The following CPNE5 variants were observed in gnomAD, a reference collection of about 807,000 sequenced individuals.
The protein encoded by CPNE5 is copine-5.
CPNE5 carries 42 observed loss-of-function variants against 81.1 expected under a neutral mutation model. The observed-to-expected ratio is 0.52, with a 90% CI of 0.40 to 0.67. The LOEUF (loss-of-function observed/expected upper bound fraction) is 0.67. Among genes scored for constraint, CPNE5 ranks in the 30% least tolerant of loss-of-function variants. The pLI is 0.00. For missense variants in CPNE5, 612 were observed against 815.5 expected, an observed-to-expected ratio of 0.75 and a Z score of 3.04; for synonymous variants, 313 against 321.5, an observed-to-expected ratio of 0.97 and a Z score of 0.28.
chr6:36,798,198 C>G lies in CPNE5; in HGVS notation c.371G>C (p.Gly124Ala). Residue 124 changes from glycine (G) to alanine (A), a missense_variant, in exon 6 of 21, where the codon GGG (glycine) becomes GCG (alanine). Physicochemically the swap from Gly to Ala is moderately conservative, Grantham distance 60. Transcript: ENST00000244751. ...CTTTTCCAGGCGGCTCCCAGGGGAC[C>G]CCACAATCTCTCCAAGGGTGCAGAA... ...QAFCTLGEIV[G>A]SPGSRLEKPL... 1.2e-6 allele frequency: 2 copies of G among 1,613,838 alleles called. No homozygotes were observed. The highest frequency in any genetic ancestry group is 8.5e-7 in the Non-Finnish European group (1 of 1,179,920).
At chr6:36,755,712 G>A (rs78912684) in intron 13 of CPNE5, 2,026 of 158,724 alleles carry the variant, frequency 0.013, 32 homozygotes, top group African/African-American at 0.036. Context: ...CCACTAGGCC[G>A]GCGTGTCATC....
chr6:36,793,334 A>T (rs1334107030), intron 7 of CPNE5, among the ~76,000 whole-genome samples: 1 of 152,166 alleles, frequency 6.6e-6, no homozygotes, highest in Non-Finnish European at 1.5e-5. Context: ...ATCCCCTGCC[A>T]CGGACAGGGG....
At chr6:36,792,965 T>A (rs999866400) in intron 7 of CPNE5, among the ~76,000 whole-genome samples, 16 of 152,178 alleles carry the variant, frequency 1.1e-4, no homozygotes, top group African/African-American at 3.9e-4. Flanking sequence ...TTCCTGTACC[T>A]CTCTGAGCCT....
At chr6:36,822,995 C>A in intron 2 of CPNE5, 63 bp downstream of exon 2, 1 of 1,392,124 alleles carries the variant, frequency 7.2e-7, no homozygotes, top group Non-Finnish European at 9.8e-7. Flanking sequence ...CAAGCATTGC[C>A]GCTGTAATTA....
chr6:36,783,522 TTCTCTC>T (rs35764239), intron 8 of CPNE5, among the ~76,000 whole-genome samples: 5 of 150,550 alleles, frequency 3.3e-5, no homozygotes, highest in African/African-American at 1.2e-4. Context: ...TTCAGACAGG[TTCTCTC>T]TCTCTCTCTC....
chr6:36,766,286 G>A lies in CPNE5; in HGVS notation c.738-910C>T, dbSNP rs559912706. ...CCCATCATCTCGCCCATCTCCTCGG[G>A]CCTGCCAGGAGTCAGCCTTGGGCTT... On this transcript the variant is annotated intron_variant, in intron 10 of 20. Transcript: ENST00000244751. This position sits in a 1 kb window ranked among gnomAD's most constrained non-coding sequence, Gnocchi z 4.2. Among the ~76,000 whole-genome samples, 1 of 152,296 alleles carries A rather than the reference G, an allele frequency of 6.6e-6. No individual in the cohort carries two copies. Among genetic ancestry groups the A allele is most frequent in the African/African-American group, 2.4e-5 (1 of 41,558 alleles).
rs1763810098 is a variant in CPNE5 at position 36,743,827 on chromosome 6, G to A, written c.1490-65C>T. ...CGGTGGACCCCTGGCCCTAGCAGGAGAGTGGACTTGTCCTTTCATCCCAGG... is the reference window on the plus strand; with the variant it reads ...CGGTGGACCCCTGGCCCTAGCAGGAAAGTGGACTTGTCCTTTCATCCCAGG... On this transcript the variant is annotated intron_variant, in intron 19 of 20. Transcript: ENST00000244751. The A allele has an allele frequency of 3.6e-6, 5 of 1,375,824 alleles. No homozygotes were observed. The Admixed American group carries it at 8.4e-5, about 23-fold the overall frequency. 85.2% of individuals were successfully genotyped at this position (1,375,824 alleles called of 1,614,324 possible).
chr6:36,819,997 G>T, intron 3 of CPNE5, among the ~76,000 whole-genome samples: 1 of 152,308 alleles, frequency 6.6e-6, no homozygotes, highest in South Asian at 2.1e-4. Context: ...CAGCTCCGCC[G>T]CTCAGCAAGC....
intron 8 of CPNE5, among the ~76,000 whole-genome samples, chr6:36,780,347 CG>C (rs1767933826): frequency 6.6e-6 from 1 of 152,150 alleles, no homozygotes; most frequent in Admixed American, 6.5e-5. Flanking sequence ...GAGAAGAAGA[CG>C]TAGCTCCCAT....
upstream of CPNE5, chr6:36,839,652 C>G (rs1230067030): frequency 5.2e-4 from 46 of 88,502 alleles, no homozygotes; most frequent in South Asian, 6.3e-3. The surrounding 1 kb of genome is among the most constrained non-coding windows in gnomAD (Gnocchi z 7.3). Flanking sequence ...GGGGGCACAG[C>G]GGGGAAGGCA....
chr6:36,749,511 T>C (rs1304730686), intron 14 of CPNE5, among the ~76,000 whole-genome samples: 1 of 152,194 alleles, frequency 6.6e-6, no homozygotes, highest in Admixed American at 6.5e-5. Flanking sequence ...AGAGAGTCCT[T>C]ATGTTTTAGA....
intron 6 of CPNE5, among the ~76,000 whole-genome samples, chr6:36,797,463 CAGTGTTCCCCAGTGTGGGGAA>C (rs1769693574): frequency 6.6e-6 from 1 of 152,158 alleles, no homozygotes; most frequent in Admixed American, 6.5e-5. Context: ...GAATGGTGAC[CAGTGTTCCCCAGTGTGGGGAA>C]AGGTAAGAAT....
chr6:36,828,234 C>G (rs1486896226), intron 1 of CPNE5, among the ~76,000 whole-genome samples: 1 of 145,068 alleles, frequency 6.9e-6, no homozygotes, highest in Admixed American at 7.2e-5. Context: ...GAGGGAGGAT[C>G]ACTTGAGCTC....
chr6:36,822,525 C>T (rs142632336), intron 2 of CPNE5, among the ~76,000 whole-genome samples: 7 of 152,228 alleles, frequency 4.6e-5, no homozygotes, highest in South Asian at 2.1e-4. Flanking sequence ...GGCAGGTAGA[C>T]GGGTGGGTGT....
At chr6:36,779,519 G>A (rs959670291) in intron 8 of CPNE5, among the ~76,000 whole-genome samples, 13 of 152,172 alleles carry the variant, frequency 8.5e-5, no homozygotes, top group African/African-American at 2.4e-4. Context: ...GAGGAAGTTC[G>A]AGTTTTGGCA....
At chr6:36,768,225 C>CTTTTGTTCTTTTTTTTTTTTTTTTTT (rs1766736677) in intron 10 of CPNE5, among the ~76,000 whole-genome samples, 1 of 60,496 alleles carries the variant, frequency 1.7e-5, no homozygotes, top group Admixed American at 2.3e-4. Context: ...ATTCACAGTT[C>CTTTTGTTCTTTTTTTTTTTTTTTTTT]TTTTTTTTTT....
At chr6:36,804,332 C>T (rs2150541801) in intron 3 of CPNE5, among the ~76,000 whole-genome samples, 1 of 152,290 alleles carries the variant, frequency 6.6e-6, no homozygotes, top group Non-Finnish European at 1.5e-5. Context: ...GACTGGGTTC[C>T]TTTCCCACTC....
intron 1 of CPNE5, among the ~76,000 whole-genome samples, chr6:36,827,165 C>T (rs918417702): frequency 1.3e-5 from 2 of 152,150 alleles, no homozygotes; most frequent in Non-Finnish European, 2.9e-5. Context: ...TCTTCAGCCT[C>T]CGTTCCATTC....
chr6:36,822,542 C>T (rs927313052), intron 2 of CPNE5, among the ~76,000 whole-genome samples: 16 of 152,066 alleles, frequency 1.1e-4, no homozygotes, highest in African/African-American at 1.4e-4. Context: ...GTGTGATGGA[C>T]GACAAGCAGA....
Sources: gnomAD v4.1 joint callset for allele counts (sites outside exome capture counted in the v4.1 genomes callset) on GRCh38, gnomAD v4.1.1 for gene constraint, Gnocchi (gnomAD v3.1) non-coding constraint, MANE v1.5 for transcripts, NCBI Gene and HGNC (gene_info 2026-07-23, HGNC 2026-07-21) for gene names.